Variants in LRRN3 observed in about 807,000 individuals in gnomAD.
The protein encoded by LRRN3 is leucine-rich repeat neuronal protein 3.
In LRRN3, 15 loss-of-function variants were observed where a neutral mutation model predicts 40.1. The ratio of observed to expected loss-of-function variants is 0.37; its 90% CI spans 0.25 to 0.58. The LOEUF (loss-of-function observed/expected upper bound fraction) is 0.58, where lower values mean the gene tolerates loss of function less well. Among genes scored for constraint, LRRN3 ranks in the 20% least tolerant of loss-of-function variants. The pLI is 0.72. For synonymous variants in LRRN3, 308 were observed against 297.2 expected (o/e 1.04, Z -0.37); for missense variants, 746 against 837.7 (o/e 0.89, Z 1.35).
intron 2 of LRRN3, among the ~76,000 whole-genome samples, chr7:111,107,474 T>A: frequency 6.6e-6 from 1 of 151,996 alleles, no homozygotes; most frequent in Admixed American, 6.6e-5. Context: ...ATACTTATAT[T>A]AAAGCCATTT....
rs1382148897 is a variant in LRRN3, at chr7:111,124,453, G to A, written c.1681G>A (p.Glu561Lys). Residue 561 changes from glutamate to lysine, a missense_variant, in exon 3 of 3, where the codon GAA becomes AAA. By Grantham distance (56) the Glu-to-Lys change is moderately conservative. Transcript: ENST00000308478. ...TAAATGGACAGCCTTTGTCAAGACT[G>A]AAAATTCTCATGCTGCGCAAAGTGC... ...SVKWTAFVKT[E>K]NSHAAQSARI... 6.2e-7 allele frequency: 1 copy of A among 1,613,766 alleles called. No homozygotes were observed. The highest frequency in any genetic ancestry group is 2.2e-5 in the East Asian group (1 of 44,834).
intron 2 of LRRN3, among the ~76,000 whole-genome samples, chr7:111,107,179 C>CTG (rs10669538): frequency 0.91 from 137,689 of 151,836 alleles, 62,473 homozygotes; most frequent in East Asian, 0.93. Flanking sequence ...CCCTTTCCCT[C>CTG]TCTCTCCTTC....
intron 2 of LRRN3, among the ~76,000 whole-genome samples, chr7:111,117,747 T>C (rs925353853): frequency 1.3e-5 from 2 of 152,098 alleles, no homozygotes; most frequent in Middle Eastern, 3.2e-3. Context: ...AAGTTCTTTA[T>C]ACAAATGAAC....
At chr7:111,120,708 T>C (rs958329105) in intron 2 of LRRN3, among the ~76,000 whole-genome samples, 18 of 152,324 alleles carry the variant, frequency 1.2e-4, no homozygotes, top group Non-Finnish European at 1.2e-4. Context: ...CTTAATCTTC[T>C]CTGAATACTG....
intron 2 of LRRN3, among the ~76,000 whole-genome samples, chr7:111,110,988 A>G (rs2129583364): frequency 6.6e-6 from 1 of 152,304 alleles, no homozygotes; most frequent in South Asian, 2.1e-4. Flanking sequence ...CTATAACATA[A>G]TATAAAACCA....
In LRRN3 at chr7:111,124,617, C is replaced by T. The variant is rs1403797003; in HGVS notation, c.1845C>T (p.His615=). ...TAAATGTCACCACCAAAGGTTTGCA[C>T]CCTGATCAAAAAGAGTATGAAAAGA... is the stretch of plus-strand genomic sequence containing the variant. ...KCVNVTTKGL[H]PDQKEYEKNN... Residue 615 remains histidine (H), a synonymous_variant, in exon 3 of 3, where the codon CAC becomes CAT. Coordinates refer to ENST00000308478, the MANE Select transcript of LRRN3 (RefSeq NM_001099658.2). 1.2e-6 allele frequency: 2 copies of T among 1,613,802 alleles called. No homozygotes were observed. Among genetic ancestry groups the T allele is most frequent in the African/African-American group, 2.7e-5 (2 of 74,906 alleles).
intron 2 of LRRN3, among the ~76,000 whole-genome samples, chr7:111,120,396 T>G (rs1191425462): frequency 6.6e-6 from 1 of 152,004 alleles, no homozygotes; most frequent in African/African-American, 2.4e-5. Context: ...ATTTCCCCTA[T>G]AAAAACATCA....
Position 111,091,672 on chromosome 7 carries a change from T to C in LRRN3, c.-441+168T>C, listed in dbSNP as rs1796880101. On this transcript the variant is annotated intron_variant, in intron 1 of 2. Transcript: ENST00000308478. ...AAGAAATTCACATGCAAAACCCAGC[T>C]GGCTCTGTGTGTGCCTAGCTGTGTT... 2.0e-5 allele frequency among the ~76,000 whole-genome samples: 3 copies of C among 152,144 alleles called. No individual in the cohort carries two copies. The South Asian group carries it at 6.2e-4, about 31-fold the overall frequency.
chr7:111,118,096 G>C (rs927050017), intron 2 of LRRN3, among the ~76,000 whole-genome samples: 4 of 152,158 alleles, frequency 2.6e-5, no homozygotes, highest in Admixed American at 6.5e-5. Context: ...TCTCTCCTTT[G>C]TGCATCCACA....
At chr7:111,104,644 T>C (rs1324113563) in intron 2 of LRRN3, among the ~76,000 whole-genome samples, 1 of 151,846 alleles carries the variant, frequency 6.6e-6, no homozygotes, top group East Asian at 1.9e-4. Context: ...GGGGAGCAAA[T>C]GCTAAAGAAA....
At chr7:111,098,525 C>G (rs192099324) in intron 1 of LRRN3, among the ~76,000 whole-genome samples, 80 of 151,772 alleles carry the variant, frequency 5.3e-4, no homozygotes, top group Admixed American at 3.4e-3. Flanking sequence ...AAGCAGAGCC[C>G]TTATACGTTC....
At chr7:111,096,878 A>C (rs1476929407) in intron 1 of LRRN3, 1 of 152,080 alleles carries the variant, frequency 6.6e-6, no homozygotes, top group East Asian at 1.9e-4. Context: ...TAAACTACTA[A>C]AGTCAAAATG....
At chr7:111,120,361 A>C (rs1800441979) in intron 2 of LRRN3, among the ~76,000 whole-genome samples, 1 of 152,108 alleles carries the variant, frequency 6.6e-6, no homozygotes, top group Non-Finnish European at 1.5e-5. Context: ...GGCAGGCAAG[A>C]GAGAATGAGA....
chr7:111,099,422 T>C (rs904490287), intron 1 of LRRN3, among the ~76,000 whole-genome samples: 3 of 151,754 alleles, frequency 2.0e-5, no homozygotes, highest in Non-Finnish European at 4.4e-5. Flanking sequence ...GCAAAGTTAA[T>C]TGATGAAAGC....
At chr7:111,099,425 A>C (rs1797737209) in intron 1 of LRRN3, among the ~76,000 whole-genome samples, 1 of 151,768 alleles carries the variant, frequency 6.6e-6, no homozygotes. Context: ...AAGTTAATTG[A>C]TGAAAGCTGT....
chr7:111,099,200 T>C (rs2129579580), intron 1 of LRRN3, among the ~76,000 whole-genome samples: 1 of 151,760 alleles, frequency 6.6e-6, no homozygotes, highest in East Asian at 1.9e-4. Flanking sequence ...AAAAGAAAAA[T>C]GCAAAACTTA....
chr7:111,125,243 C>T lies in LRRN3; in HGVS notation c.*344C>T, dbSNP rs913706579. The T allele has an allele frequency of 4.4e-5, 9 of 206,694 alleles. No homozygotes were observed. The highest frequency in any genetic ancestry group is 8.5e-5 in the Non-Finnish European group (8 of 93,952). 12.8% of individuals were successfully genotyped at this position (206,694 alleles called of 1,614,324 possible). ...ATAAGAGTAGTTGAACTGAGCAATA[C>T]CTCCTCCTGTGTTGTATTACACATA... On this transcript the variant is annotated 3_prime_UTR_variant, in exon 3 of 3. Coordinates refer to ENST00000308478, the MANE Select transcript of LRRN3 (RefSeq NM_001099658.2).
chr7:111,103,154 G>A (rs1798164663), intron 2 of LRRN3, among the ~76,000 whole-genome samples: 1 of 151,500 alleles, frequency 6.6e-6, no homozygotes, highest in African/African-American at 2.4e-5. Flanking sequence ...TTTGTTTCCT[G>A]CAAAATGTAA....
In LRRN3 at chr7:111,123,326, A is replaced by G; in HGVS notation, c.554A>G (p.Asp185Gly). 1 of 1,613,820 alleles carries G rather than the reference A, an allele frequency of 6.2e-7. No homozygotes were observed. Among genetic ancestry groups the G allele is most frequent in the Non-Finnish European group, 8.5e-7 (1 of 1,179,910 alleles). The change falls in exon 3 of 3, where the codon GAT becomes GGT. Residue 185 changes from aspartate (D) to glycine (G), a missense_variant. By Grantham distance (94) the Asp-to-Gly change is moderately conservative. Coordinates refer to ENST00000308478, the MANE Select transcript of LRRN3 (RefSeq NM_001099658.2). This position sits in a 1 kb window ranked among gnomAD's most constrained non-coding sequence, Gnocchi z 6.4. ...RLQMINSKWFDALPNLEILMI... is the reference protein window; with the variant it reads ...RLQMINSKWFGALPNLEILMI... ...CAGATGATCAACAGTAAGTGGTTTG[A>G]TGCTCTTCCAAATCTAGAGATTCTG...
Sources: allele counts gnomAD v4.1 joint callset (sites outside exome capture counted in the v4.1 genomes callset), GRCh38; gene constraint gnomAD v4.1.1; non-coding constraint Gnocchi (gnomAD v3.1); transcripts MANE v1.5; gene names NCBI Gene and HGNC (gene_info 2026-07-23, HGNC 2026-07-21).